Variants in UQCRB observed in about 807,000 individuals in gnomAD.
UQCRB encodes ubiquinol-cytochrome c reductase binding protein.
In UQCRB, 12 loss-of-function variants were observed where a neutral mutation model predicts 19.8. The observed-to-expected ratio is 0.61, with a 90% CI of 0.39 to 0.98. The LOEUF (loss-of-function observed/expected upper bound fraction) is 0.98. Among genes scored for constraint, UQCRB ranks in the 50% least tolerant of loss-of-function variants. The pLI is 0.00. For missense variants in UQCRB, 142 were observed against 131.8 expected, an observed-to-expected ratio of 1.08 and a Z score of -0.38; for synonymous variants, 39 against 42.9, an observed-to-expected ratio of 0.91 and a Z score of 0.35.
rs1809507486 is a variant in UQCRB, at chr8:96,225,256, G to A, written c.*5799C>T. ...TAGCTACTCAATCCAAGAAATGCAA[G>A]TTTAAACAAGAAACTCTCCAACCAA... On this transcript the variant is annotated 3_prime_UTR_variant, in exon 4 of 4. Transcript: ENST00000287022. 6.6e-6 allele frequency among the ~76,000 whole-genome samples: 1 copy of A among 152,154 alleles called. No homozygotes were observed. Among genetic ancestry groups the A allele is most frequent in the African/African-American group, 2.4e-5 (1 of 41,452 alleles).
intron 2 of UQCRB, 22 bp from the exon 3 acceptor site, chr8:96,231,962 G>C (rs773885026): frequency 1.9e-6 from 3 of 1,610,702 alleles, no homozygotes; most frequent in Non-Finnish European, 2.5e-6. Context: ...GACAAAGTTA[G>C]ATTGCACATG....
At position 96,229,422 on chromosome 8, in the gene UQCRB, A is replaced by G. The variant is rs1303276661; in HGVS notation, c.*1633T>C. The G allele has an allele frequency of 4.4e-6, 2 of 454,108 alleles. No homozygotes were observed. Among genetic ancestry groups the G allele is most frequent in the Admixed American group, 2.3e-5 (1 of 42,566 alleles). The allele number at this position is 454,108 out of a possible 1,614,324, so 28.1% of individuals were successfully genotyped here. A position where few individuals can be genotyped will look rare whatever the true frequency, so the allele number is the denominator to read the frequency against. Reference sequence around the variant, plus strand: ...CCCACCCGGCTCCCTACACACCTTGACAGTGCTCTTTGAGATGCCTCAGTT... The same window carrying G: ...CCCACCCGGCTCCCTACACACCTTGGCAGTGCTCTTTGAGATGCCTCAGTT... On this transcript the variant is annotated 3_prime_UTR_variant, in exon 4 of 4. Coordinates refer to ENST00000287022, the MANE Select transcript of UQCRB (RefSeq NM_006294.5).
chr8:96,232,768 GA>G (rs2129813670), intron 2 of UQCRB: 1 of 176,816 alleles, frequency 5.7e-6, no homozygotes, highest in East Asian at 1.8e-4. Flanking sequence ...TCGGGAGGCG[GA>G]GGTTGCAGTG....
At position 96,228,935 on chromosome 8, in the gene UQCRB, G is replaced by A. The variant is rs528747164; in HGVS notation, c.*2120C>T. Reference sequence around the variant, plus strand: ...CTCATGGTGATTTTCCACACAGGACGGCTTTTGATAATAGAAAGGCCCTCT... The same window carrying A: ...CTCATGGTGATTTTCCACACAGGACAGCTTTTGATAATAGAAAGGCCCTCT... On this transcript the variant is annotated 3_prime_UTR_variant, in exon 4 of 4. Coordinates refer to ENST00000287022, the MANE Select transcript of UQCRB (RefSeq NM_006294.5). 18 of 453,880 alleles carry A rather than the reference G, an allele frequency of 4.0e-5. No homozygotes were observed. Among genetic ancestry groups the A allele is most frequent in the Admixed American group, 1.2e-4 (5 of 42,536 alleles). The allele number at this position is 453,880 out of a possible 1,614,324, so 28.1% of individuals were successfully genotyped here.
chr8:96,235,462 T>C (rs1357447224), intron 1 of UQCRB, 50 bp downstream of exon 1: 4 of 1,613,920 alleles, frequency 2.5e-6, no homozygotes, highest in East Asian at 2.2e-5. Context: ...GCAGCAAAAA[T>C]AAACGGTGAA....
chr8:96,232,585 C>T (rs1809701745), intron 2 of UQCRB: 1 of 155,920 alleles, frequency 6.4e-6, no homozygotes, highest in Non-Finnish European at 1.4e-5. Context: ...CACCTATAAT[C>T]CCAGCACTTT....
chr8:96,235,021 C>A, intron 1 of UQCRB: 1 of 251,582 alleles, frequency 4.0e-6, no homozygotes, highest in South Asian at 4.3e-5. Flanking sequence ...AATGATATTT[C>A]CAATTCTACT....
In UQCRB at chr8:96,231,838, C is replaced by A; in HGVS notation, c.194G>T (p.Arg65Met). 6.2e-7 allele frequency: 1 copy of A among 1,614,142 alleles called. No individual in the cohort carries two copies. Among genetic ancestry groups the A allele is most frequent in the African/African-American group, 1.3e-5 (1 of 75,050 alleles). The change falls in exon 3 of 4, where the codon AGG becomes ATG. Residue 65 changes from arginine to methionine, a missense_variant. Physicochemically the swap from Arg to Met is moderately conservative, Grantham distance 91 (BLOSUM62 -1). Around this residue, in one of 2 missense-constraint regions of UQCRB, gnomAD observed 132 missense variants for 107.5 expected, o/e 1.23. Coordinates refer to ENST00000287022, the MANE Select transcript of UQCRB (RefSeq NM_006294.5). ...LYNDRMFRIK[R>M]ALDLNLKHQI... ...ATGCTTCAAGTTCAGGTCCAGTGCCCTCTTAATGCGAAACATCCTGTCATT... is the reference window on the plus strand; with the variant it reads ...ATGCTTCAAGTTCAGGTCCAGTGCCATCTTAATGCGAAACATCCTGTCATT...
At chr8:96,231,289 C>G in intron 3 of UQCRB, 157 bp from the exon 4 acceptor site, 1 of 1,558,302 alleles carries the variant, frequency 6.4e-7, no homozygotes, top group Non-Finnish European at 8.7e-7. Flanking sequence ...TTTAAAATGT[C>G]AAATCTGTGG....
Position 96,235,518 on chromosome 8 carries a change from G to T in UQCRB, c.13C>A (p.Gln5Lys), listed in dbSNP as rs1809792535. Residue 5 changes from glutamine (Q) to lysine (K), a missense_variant, in exon 1 of 4, where the codon CAG (glutamine) becomes AAG (lysine). By Grantham distance (53) the Gln-to-Lys change is moderately conservative. Coordinates refer to ENST00000287022, the MANE Select transcript of UQCRB (RefSeq NM_006294.5). ...AAGACCCCCAGTTACTTACCGGCCT[G>T]CTTACCAGCCATTTTGACCAGAAAG... MAGK[Q>K]AVSASGKWLD... The T allele has an allele frequency of 6.2e-7, 1 of 1,614,228 alleles. No homozygotes were observed. The highest frequency in any genetic ancestry group is 2.2e-5 in the East Asian group (1 of 44,882).
chr8:96,228,498 A>G lies in UQCRB; in HGVS notation c.*2557T>C, dbSNP rs1809578133. 1 of 453,846 alleles carries G rather than the reference A, an allele frequency of 2.2e-6. No homozygotes were observed. Among genetic ancestry groups the G allele is most frequent in the Admixed American group, 2.4e-5 (1 of 42,432 alleles). The allele number at this position is 453,846 out of a possible 1,614,324, so 28.1% of individuals were successfully genotyped here. On this transcript the variant is annotated 3_prime_UTR_variant, in exon 4 of 4. Coordinates refer to ENST00000287022, the MANE Select transcript of UQCRB (RefSeq NM_006294.5). Reference sequence around the variant, plus strand: ...ACCAGAAACAAGAGTGCCACATAGAAGGAAGAGAGGAGACCTTGGACCTTA... The same window carrying G: ...ACCAGAAACAAGAGTGCCACATAGAGGGAAGAGAGGAGACCTTGGACCTTA...
intron 2 of UQCRB, 100 bp downstream of exon 2, chr8:96,233,056 C>T: frequency 4.5e-6 from 5 of 1,108,940 alleles, no homozygotes; most frequent in Non-Finnish European, 6.6e-6. Flanking sequence ...GTTTTTGGAA[C>T]CACAGTAACA....
At chr8:96,235,211 A>G (rs1232355687) in intron 1 of UQCRB, 2 of 557,936 alleles carry the variant, frequency 3.6e-6, no homozygotes, top group East Asian at 3.1e-5. Flanking sequence ...GTGCCCTTTA[A>G]CTTTTCTAAG....
rs1289960644 is a variant in UQCRB at position 96,231,022 on chromosome 8, T to A, written c.*33A>T. On this transcript the variant is annotated 3_prime_UTR_variant, in exon 4 of 4. Transcript: ENST00000287022. ...TTTGTTTCAAGTTTAACCATCTTCATAACAGCTGCATCCACAGACTTCAAC... is the reference window on the plus strand; with the variant it reads ...TTTGTTTCAAGTTTAACCATCTTCAAAACAGCTGCATCCACAGACTTCAAC... 3 of 1,595,576 alleles carry A rather than the reference T, an allele frequency of 1.9e-6. No individual in the cohort carries two copies. Among genetic ancestry groups the A allele is most frequent in the Non-Finnish European group, 2.6e-6 (3 of 1,164,662 alleles).
chr8:96,227,954 C>T lies in UQCRB; in HGVS notation c.*3101G>A, dbSNP rs1809562606. 2.2e-5 allele frequency: 10 copies of T among 453,994 alleles called. No individual in the cohort carries two copies. Among genetic ancestry groups the T allele is most frequent in the South Asian group, 1.4e-4 (9 of 64,482 alleles). 28.1% of individuals were successfully genotyped at this position (453,994 alleles called of 1,614,324 possible). A position where few individuals can be genotyped will look rare whatever the true frequency, so the allele number is the denominator to read the frequency against. On this transcript the variant is annotated 3_prime_UTR_variant, in exon 4 of 4. Coordinates refer to ENST00000287022, the MANE Select transcript of UQCRB (RefSeq NM_006294.5). Reference sequence around the variant, plus strand: ...GTAGAGCGTCACATAAATATTCAGACCATGATAACTCAGTGCAGGAATGTT... The same window carrying T: ...GTAGAGCGTCACATAAATATTCAGATCATGATAACTCAGTGCAGGAATGTT...
chr8:96,230,814 G>A lies in UQCRB; in HGVS notation c.*241C>T. 1.6e-6 allele frequency: 1 copy of A among 642,000 alleles called. No homozygotes were observed. The highest frequency in any genetic ancestry group is 2.9e-6 in the Non-Finnish European group (1 of 342,574). The allele number at this position is 642,000 out of a possible 1,614,324, so 39.8% of individuals were successfully genotyped here. On this transcript the variant is annotated 3_prime_UTR_variant, in exon 4 of 4. Transcript: ENST00000287022. ...ACCAGTGAGGAAAACTGATAAAGTG[G>A]CTTCTGAGCTCCAAGTAGCAGTTAA... is the stretch of plus-strand genomic sequence containing the variant.
At chr8:96,233,088 G>GAAAA in intron 2 of UQCRB, 68 bp downstream of exon 2, 1 of 1,512,760 alleles carries the variant, frequency 6.6e-7, no homozygotes, top group African/African-American at 1.5e-5. Flanking sequence ...AATACTCTCA[G>GAAAA]AAAAACAAAA....
chr8:96,228,089 G>T lies in UQCRB; in HGVS notation c.*2966C>A, dbSNP rs1417322844. 2.2e-6 allele frequency: 1 copy of T among 454,126 alleles called. No homozygotes were observed. Among genetic ancestry groups the T allele is most frequent in the East Asian group, 6.9e-5 (1 of 14,394 alleles). 28.1% of individuals were successfully genotyped at this position (454,126 alleles called of 1,614,324 possible). A position where few individuals can be genotyped will look rare whatever the true frequency, so the allele number is the denominator to read the frequency against. On this transcript the variant is annotated 3_prime_UTR_variant, in exon 4 of 4. Transcript: ENST00000287022. ...TACATCTTGACAACAGGAAGGCCAA[G>T]TGATACTAGGTAGTGCACTACAACA...
Position 96,228,100 on chromosome 8 carries a change from T to C in UQCRB, c.*2955A>G. The C allele has an allele frequency of 2.2e-6, 1 of 454,096 alleles. No homozygotes were observed. The highest frequency in any genetic ancestry group is 4.4e-6 in the Non-Finnish European group (1 of 226,788). 28.1% of individuals were successfully genotyped at this position (454,096 alleles called of 1,614,324 possible). ...AACAGGAAGGCCAAGTGATACTAGG[T>C]AGTGCACTACAACAGTGAACATAAG... On this transcript the variant is annotated 3_prime_UTR_variant, in exon 4 of 4. Coordinates refer to ENST00000287022, the MANE Select transcript of UQCRB (RefSeq NM_006294.5).
Sources: gnomAD v4.1 joint callset for allele counts (sites outside exome capture counted in the v4.1 genomes callset) on GRCh38, gnomAD v4.1.1 for gene constraint, gnomAD v4.1.1 regional missense constraint, MANE v1.5 for transcripts, NCBI Gene and HGNC (gene_info 2026-07-23, HGNC 2026-07-21) for gene names.